The following STPG2 variants were observed in gnomAD, a reference collection of about 807,000 sequenced individuals.
STPG2 encodes sperm tail PG-rich repeat containing 2.
STPG2 carries 56 observed loss-of-function variants against 54.2 expected under a neutral mutation model. The ratio of observed to expected loss-of-function variants is 1.03; its 90% CI spans 0.83 to 1.29. The LOEUF is 1.29. STPG2 is among the 50% of genes most tolerant of loss of function. The pLI is 0.00. For synonymous variants in STPG2, 200 were observed against 181.8 expected (o/e 1.10, Z -0.81); for missense variants, 596 against 544.9 (o/e 1.09, Z -0.93).
At chr4:98,106,510 T>C (rs1374455191) in intron 4 of STPG2, among the ~76,000 whole-genome samples, 1 of 152,134 alleles carries the variant, frequency 6.6e-6, no homozygotes, top group Non-Finnish European at 1.5e-5. Context: ...CTTCTTTTCA[T>C]TGAAATTCAG....
At chr4:98,098,912 A>G (rs1459292632) in intron 5 of STPG2, among the ~76,000 whole-genome samples, 2 of 152,192 alleles carry the variant, frequency 1.3e-5, no homozygotes, top group Admixed American at 6.5e-5. Flanking sequence ...AATCAAAACT[A>G]CAGTGAGATA....
At chr4:97,873,078 G>A (rs931615071) in intron 8 of STPG2, among the ~76,000 whole-genome samples, 6 of 151,164 alleles carry the variant, frequency 4.0e-5, no homozygotes, top group East Asian at 1.9e-4. Flanking sequence ...ACACATATAC[G>A]TATGTACACA....
At chr4:97,904,324 C>A (rs913780814) in intron 8 of STPG2, among the ~76,000 whole-genome samples, 3 of 152,132 alleles carry the variant, frequency 2.0e-5, no homozygotes, top group Admixed American at 1.3e-4. Context: ...TGGGAGGCAC[C>A]CCCCAGCAGG....
intron 10 of STPG2, among the ~76,000 whole-genome samples, chr4:97,643,653 T>G (rs1721825638): frequency 6.6e-6 from 1 of 151,818 alleles, no homozygotes; most frequent in Non-Finnish European, 1.5e-5. Context: ...AATATTAAAT[T>G]GACTTTAAAC....
At chr4:97,763,248 A>G (rs1725942330) in intron 9 of STPG2, among the ~76,000 whole-genome samples, 1 of 152,180 alleles carries the variant, frequency 6.6e-6, no homozygotes, top group South Asian at 2.1e-4. Flanking sequence ...ACAGTTGTCT[A>G]TATAGTGTTA....
intron 7 of STPG2, among the ~76,000 whole-genome samples, chr4:97,970,209 A>G (rs1391335616): frequency 1.3e-5 from 2 of 152,214 alleles, no homozygotes; most frequent in African/African-American, 2.4e-5. Flanking sequence ...GGAAGAATCA[A>G]TATTGTGAAA....
intron 8 of STPG2, among the ~76,000 whole-genome samples, chr4:97,910,113 A>T (rs971191575): frequency 6.6e-6 from 1 of 152,088 alleles, no homozygotes; most frequent in Non-Finnish European, 1.5e-5. Flanking sequence ...TTCCCCACCA[A>T]GTTTTGTAGA....
At chr4:97,623,639 CTTTAT>C (rs2148926415) in intron 10 of STPG2, among the ~76,000 whole-genome samples, 1 of 152,030 alleles carries the variant, frequency 6.6e-6, no homozygotes, top group Admixed American at 6.5e-5. Context: ...AAAAATTTCA[CTTTAT>C]TTTAAGTTGC....
intron 9 of STPG2, among the ~76,000 whole-genome samples, chr4:97,783,157 G>T (rs190055882): frequency 1.3e-5 from 2 of 152,042 alleles, no homozygotes; most frequent in Non-Finnish European, 2.9e-5. Flanking sequence ...TACAGAATGG[G>T]AGAAAATTTT....
chr4:97,888,328 G>A (rs1730654491), intron 8 of STPG2, among the ~76,000 whole-genome samples: 1 of 152,202 alleles, frequency 6.6e-6, no homozygotes, highest in African/African-American at 2.4e-5. Context: ...GCCCTTGAGA[G>A]CAGCCATGGG....
At chr4:98,052,988 A>C (rs1737369926) in intron 5 of STPG2, among the ~76,000 whole-genome samples, 2 of 152,206 alleles carry the variant, frequency 1.3e-5, no homozygotes, top group African/African-American at 4.8e-5. Flanking sequence ...GAAAGAAATC[A>C]CATCAAGATA....
chr4:97,840,956 G>C, intron 8 of STPG2, 24 bp from the exon 9 acceptor site: 1 of 1,607,336 alleles, frequency 6.2e-7, no homozygotes, highest in Non-Finnish European at 8.5e-7. Flanking sequence ...TAATAGATGA[G>C]CATAAATATA....
intron 9 of STPG2, among the ~76,000 whole-genome samples, chr4:97,834,273 C>A (rs1050905645): frequency 2.6e-5 from 4 of 152,154 alleles, no homozygotes; most frequent in African/African-American, 7.2e-5. Flanking sequence ...AAACCAAACA[C>A]CACATGTTCT....
At chr4:97,796,287 C>A (rs1024018769) in intron 9 of STPG2, among the ~76,000 whole-genome samples, 2 of 152,180 alleles carry the variant, frequency 1.3e-5, no homozygotes, top group African/African-American at 4.8e-5. Flanking sequence ...TGCCTACGAT[C>A]TAAATGGTAT....
intron 1 of STPG2, among the ~76,000 whole-genome samples, chr4:98,135,860 C>A (rs1373611576): frequency 6.6e-6 from 1 of 151,656 alleles, no homozygotes; most frequent in Non-Finnish European, 1.5e-5. Context: ...GGGTAAATAG[C>A]CAGAGAACAA....
chr4:97,610,882 A>G (rs1384752856), intron 10 of STPG2, among the ~76,000 whole-genome samples: 1 of 152,088 alleles, frequency 6.6e-6, no homozygotes, highest in East Asian at 1.9e-4. Flanking sequence ...TGAGAATAAA[A>G]ATATTCTTAT....
intron 10 of STPG2, among the ~76,000 whole-genome samples, chr4:97,659,359 C>G (rs1179546519): frequency 6.6e-6 from 1 of 152,132 alleles, no homozygotes; most frequent in Non-Finnish European, 1.5e-5. Context: ...CTACAAAGCA[C>G]TGAAGATAGA....
At chr4:97,983,424 G>T (rs1032060239) in intron 5 of STPG2, among the ~76,000 whole-genome samples, 1 of 152,058 alleles carries the variant, frequency 6.6e-6, no homozygotes, top group Non-Finnish European at 1.5e-5. Context: ...ATGCTTGGAG[G>T]GTTGGCATCC....
intron 4 of STPG2, among the ~76,000 whole-genome samples, chr4:97,515,422 T>A (rs1365301897): frequency 1.3e-5 from 2 of 152,054 alleles, no homozygotes; most frequent in Non-Finnish European, 2.9e-5. Flanking sequence ...AGAAAAGATA[T>A]GTACATGTGT....
Sources: gnomAD v4.1 joint callset for allele counts (sites outside exome capture counted in the v4.1 genomes callset) on GRCh38, gnomAD v4.1.1 for gene constraint, MANE v1.5 for transcripts, NCBI Gene and HGNC (gene_info 2026-07-23, HGNC 2026-07-21) for gene names.